TUBGCP2: variants seen among roughly 807,000 people sequenced by gnomAD.
TUBGCP2 encodes gamma-tubulin complex component 2.
TUBGCP2 carries 55 observed loss-of-function variants against 92.2 expected under a neutral mutation model. That is an observed-to-expected ratio of 0.60 (90% CI 0.48 to 0.75). The LOEUF (loss-of-function observed/expected upper bound fraction) is 0.75. Ranked by LOEUF, TUBGCP2 falls within the 30% of genes least tolerant of loss-of-function variation. The pLI, the probability that TUBGCP2 is intolerant of heterozygous loss-of-function variation, is 0.00. For synonymous variants in TUBGCP2, 533 were observed against 505.2 expected (o/e 1.06, Z -0.74); for missense variants, 1,093 against 1,188.9 (o/e 0.92, Z 1.19).
chr10:133,310,086 C>T (rs1374894096), upstream of TUBGCP2: 26 of 1,610,818 alleles, frequency 1.6e-5, no homozygotes, highest in African/African-American at 2.7e-5. Context: ...CCTTTCCGCC[C>T]TTGGCAGCTC....
upstream of TUBGCP2, chr10:133,310,313 G>GTGTCTGC: frequency 6.2e-7 from 1 of 1,612,578 alleles, no homozygotes; most frequent in South Asian, 1.1e-5. Flanking sequence ...GGCTCAGCAC[G>GTGTCTGC]TGTCTGCTTT....
At chr10:133,308,995 G>A (rs1168835883), upstream of TUBGCP2, 26 of 1,247,588 alleles carry the variant, frequency 2.1e-5, no homozygotes, top group African/African-American at 1.6e-5. Flanking sequence ...GCCCGGGGCG[G>A]CGGAGCCGCT....
intron 8 of TUBGCP2, chr10:133,290,503 G>GA (rs1176566825): frequency 1.4e-3 from 170 of 117,292 alleles, no homozygotes; most frequent in South Asian, 2.8e-3. Flanking sequence ...AAAAAAAAAA[G>GA]AAAAAAAAAA....
chr10:133,281,855 G>A (rs756974421), intron 16 of TUBGCP2, among the ~76,000 whole-genome samples: 5 of 152,254 alleles, frequency 3.3e-5, no homozygotes, highest in Admixed American at 6.5e-5. Flanking sequence ...GCGCCGCAGG[G>A]CCATGCCTCC....
At chr10:133,310,350 G>A (rs189515854), upstream of TUBGCP2, 89 of 1,603,198 alleles carry the variant, frequency 5.6e-5, 1 homozygote, top group East Asian at 1.9e-3. Context: ...TTTCCAACTA[G>A]CCGGAATGCA....
At chr10:133,298,180 T>G in intron 4 of TUBGCP2, 69 bp from the exon 5 acceptor site, 2 of 1,512,346 alleles carry the variant, frequency 1.3e-6, no homozygotes, top group Non-Finnish European at 1.8e-6. Context: ...ACTAAAGACA[T>G]GCATAGAAGC....
intron 11 of TUBGCP2, among the ~76,000 whole-genome samples, chr10:133,286,774 A>G (rs1589824277): frequency 6.6e-6 from 1 of 152,380 alleles, no homozygotes; most frequent in African/African-American, 2.4e-5. Context: ...TGGAAGTTAA[A>G]CATAAACCAC....
Position 133,289,906 on chromosome 10 carries a change from C to T in TUBGCP2, c.1278G>A (p.Lys426=), listed in dbSNP as rs1428058114. The part of the protein sequence containing the change: ...KERIQEDYND[K]YWDQRYTIVQ... ...CGATGGTGTACCGCTGGTCCCAGTA[C>T]TTGTCGTTGTAATCCTCCTGGATCC... Residue 426 remains lysine, a synonymous_variant, in exon 9 of 18, where the codon AAG becomes AAA. Transcript: ENST00000252936. 2 of 1,600,498 alleles carry T rather than the reference C, an allele frequency of 1.2e-6. No homozygotes were observed. Among genetic ancestry groups the T allele is most frequent in the African/African-American group, 1.4e-5 (1 of 71,450 alleles).
At position 133,293,843 on chromosome 10, in the gene TUBGCP2, G is replaced by A. The variant is rs565972137; in HGVS notation, c.617-74C>T. The A allele has an allele frequency of 1.1e-3, 1,504 of 1,388,918 alleles. 11 individuals carry two copies. The highest frequency in any genetic ancestry group is 7.9e-3 in the South Asian group (641 of 80,774). The allele number at this position is 1,388,918 out of a possible 1,614,324, so 86.0% of individuals were successfully genotyped here. On this transcript the variant is annotated intron_variant, in intron 5 of 17. Coordinates refer to ENST00000252936, the MANE Select transcript of TUBGCP2 (RefSeq NM_006659.4). ...CCCACAGCCACGTGCCCTCATCTGC[G>A]GGTCAGTCTCACTCTTGCTCATCTT...
At chr10:133,297,238 C>T (rs1847508110) in intron 5 of TUBGCP2, 2 of 322,684 alleles carry the variant, frequency 6.2e-6, no homozygotes, top group South Asian at 4.6e-5. Flanking sequence ...CCCGTCTCTA[C>T]TAAAAATATA....
In TUBGCP2 at chr10:133,281,451, G is replaced by A. The variant is rs771968292; in HGVS notation, c.2410-15C>T. 30 of 1,609,356 alleles carry A rather than the reference G, an allele frequency of 1.9e-5. No individual in the cohort carries two copies. The highest frequency in any genetic ancestry group is 1.8e-4 in the South Asian group (16 of 90,990). ...TCAGCCAGGTGCTGGAAAGAAAGCC[G>A]GGGTGCGTGAGCCATGCCCACCCCC... is the stretch of plus-strand genomic sequence containing the variant. On this transcript the variant is annotated splice_polypyrimidine_tract_variant and intron_variant, in intron 16 of 17. Coordinates refer to ENST00000252936, the MANE Select transcript of TUBGCP2 (RefSeq NM_006659.4).
rs760471525 is a variant in TUBGCP2, at chr10:133,299,501, T to C, written c.382A>G (p.Lys128Glu). ...TCCTCAAGCTCCTGCATGGAGATCT[T>C]GGAGGCCGCGGCAGGGACGTTGATG... ...TSINVPAAAS[K>E]ISMQELEELR... The change falls in exon 4 of 18, where the codon AAG (lysine) becomes GAG (glutamate). Residue 128 changes from lysine to glutamate, a missense_variant. Transcript: ENST00000252936. The C allele has an allele frequency of 1.2e-6, 2 of 1,613,408 alleles. No homozygotes were observed. Among genetic ancestry groups the C allele is most frequent in the South Asian group, 1.1e-5 (1 of 91,072 alleles).
intron 13 of TUBGCP2, 152 bp from the exon 14 acceptor site, chr10:133,284,154 A>C: frequency 7.8e-7 from 1 of 1,283,478 alleles, no homozygotes; most frequent in Non-Finnish European, 1.0e-6. Flanking sequence ...AGCACACCAG[A>C]CACTCACGGC....
intron 13 of TUBGCP2, 26 bp from the exon 14 acceptor site, chr10:133,284,028 A>C: frequency 6.2e-7 from 1 of 1,610,368 alleles, no homozygotes; most frequent in Non-Finnish European, 8.5e-7. Flanking sequence ...GACGGAGGAC[A>C]GCCATGGAGG....
At chr10:133,280,097 T>C (rs1489969049) in intron 17 of TUBGCP2, among the ~76,000 whole-genome samples, 196 bp from the exon 18 acceptor site, 7 of 152,192 alleles carry the variant, frequency 4.6e-5, no homozygotes, top group Non-Finnish European at 1.0e-4. Context: ...GCCCTGCTCC[T>C]ACCATGGGGA....
intron 8 of TUBGCP2, chr10:133,290,273 T>A (rs868339811): frequency 9.6e-5 from 29 of 300,902 alleles, no homozygotes; most frequent in Middle Eastern, 2.4e-3. Flanking sequence ...GGTGGGCAGA[T>A]CACGAAGTCA....
intron 9 of TUBGCP2, among the ~76,000 whole-genome samples, chr10:133,289,428 C>G (rs1847215611): frequency 6.6e-6 from 1 of 152,210 alleles, no homozygotes; most frequent in Non-Finnish European, 1.5e-5. Flanking sequence ...TGCCCTGGGT[C>G]CAGGTCAGGC....
In TUBGCP2 at chr10:133,292,647, G is replaced by C. The variant is rs1386264544; in HGVS notation, c.1066C>G (p.Leu356Val). Residue 356 changes from leucine to valine, a missense_variant, in exon 8 of 18, where the codon CTG (leucine) becomes GTG (valine). Around this residue, in one of 3 missense-constraint regions of TUBGCP2, gnomAD observed 490 missense variants for 488.5 expected, o/e 1.00. Coordinates refer to ENST00000252936, the MANE Select transcript of TUBGCP2 (RefSeq NM_006659.4). ...AAGCTCCTGTCGTGGAGCAGGCTCA[G>C]CGTGGACCCCCCAAGACATTCGCCT... The part of the protein sequence containing the change: ...DKGECLGGST[L>V]SLLHDRSFSY... 1.2e-6 allele frequency: 2 copies of C among 1,614,108 alleles called. No homozygotes were observed. Among genetic ancestry groups the C allele is most frequent in the South Asian group, 1.1e-5 (1 of 91,066 alleles).
intron 9 of TUBGCP2, among the ~76,000 whole-genome samples, 156 bp downstream of exon 9, chr10:133,289,668 G>A (rs879679726): frequency 2.0e-5 from 3 of 152,128 alleles, no homozygotes; most frequent in Admixed American, 6.5e-5. Flanking sequence ...CCCAGCCCAC[G>A]GGCCAGTCCT....
Sources: gnomAD v4.1 joint callset for allele counts (sites outside exome capture counted in the v4.1 genomes callset) on GRCh38, gnomAD v4.1.1 for gene constraint, gnomAD v4.1.1 regional missense constraint, MANE v1.5 for transcripts, NCBI Gene and HGNC (gene_info 2026-07-23, HGNC 2026-07-21) for gene names.